Variants in TNS3 observed in about 807,000 individuals in gnomAD.
TNS3 encodes tensin-3.
In TNS3, 45 loss-of-function variants were observed where a neutral mutation model predicts 140.9. The observed-to-expected ratio is 0.32, with a 90% CI of 0.25 to 0.41. TNS3 has a LOEUF of 0.41. Ranked by LOEUF, TNS3 falls within the 10% of genes least tolerant of loss-of-function variation. The pLI is 1.00. For missense variants in TNS3, 1,716 were observed against 1,906.7 expected (o/e 0.90, Z 1.86); for synonymous variants, 815 against 788.4 (o/e 1.03, Z -0.56).
intron 20 of TNS3, among the ~76,000 whole-genome samples, chr7:47,308,646 G>A (rs976741693): frequency 3.3e-5 from 5 of 152,234 alleles, no homozygotes; most frequent in Middle Eastern, 6.8e-3. Flanking sequence ...TTTGGGTCTT[G>A]CTCTTCACAT....
intron 5 of TNS3, among the ~76,000 whole-genome samples, chr7:47,441,101 T>A (rs1489811052): frequency 3.9e-5 from 6 of 152,180 alleles, no homozygotes; most frequent in Non-Finnish European, 8.8e-5. Context: ...TTGATTAAAA[T>A]GTCTACAATG....
intron 3 of TNS3, among the ~76,000 whole-genome samples, chr7:47,501,501 C>CGGA (rs1798225663): frequency 6.6e-6 from 1 of 152,114 alleles, no homozygotes; most frequent in Admixed American, 6.5e-5. Context: ...CTGAGCAGAG[C>CGGA]GGAGCTGGCT....
chr7:47,383,313 G>A (rs775838306), intron 16 of TNS3, among the ~76,000 whole-genome samples: 4 of 152,168 alleles, frequency 2.6e-5, no homozygotes, highest in African/African-American at 7.2e-5. Flanking sequence ...CTCATTGCAC[G>A]ACTCCAGTGA....
intron 17 of TNS3, among the ~76,000 whole-genome samples, chr7:47,366,700 T>A (rs1446113982): frequency 7.0e-5 from 7 of 100,694 alleles, no homozygotes; most frequent in Non-Finnish European, 2.6e-5. Context: ...CTCAGGGCAC[T>A]GACTTTTGCT....
intron 1 of TNS3, among the ~76,000 whole-genome samples, chr7:47,572,858 CAA>C (rs1288520753): frequency 1.2e-4 from 15 of 122,482 alleles, no homozygotes; most frequent in Admixed American, 4.2e-4. Context: ...GACTCCGTCT[CAA>C]AAAAAAAAAA....
chr7:47,383,026 G>T (rs915594916), intron 16 of TNS3, among the ~76,000 whole-genome samples: 3 of 152,184 alleles, frequency 2.0e-5, no homozygotes, highest in African/African-American at 7.2e-5. Context: ...AAACCAATTA[G>T]AAGGATGAGA....
intron 1 of TNS3, among the ~76,000 whole-genome samples, chr7:47,565,582 G>A (rs957475183): frequency 6.6e-6 from 1 of 151,964 alleles, no homozygotes; most frequent in African/African-American, 2.4e-5. Context: ...GGCCAGGCTT[G>A]TCTCGAACTC....
intron 16 of TNS3, among the ~76,000 whole-genome samples, chr7:47,389,083 A>AGAAGAAGAAGAG (rs1792312613): frequency 1.4e-5 from 1 of 71,588 alleles, no homozygotes; most frequent in African/African-American, 7.7e-5. Flanking sequence ...AAGAAGAAGA[A>AGAAGAAGAAGAG]GAGGAAGAGG....
rs867024177 is a variant in TNS3, at chr7:47,389,071, A to G, written c.1024+7729T>C. On this transcript the variant is annotated intron_variant, in intron 16 of 30. Coordinates refer to ENST00000311160, the MANE Select transcript of TNS3 (RefSeq NM_022748.12). ...AAGAAGAAGAAGAAGAAGAAGAAGAAGAAGAAGAAGAAGAGGAAGAGGAAG... is the reference window on the plus strand; with the variant it reads ...AAGAAGAAGAAGAAGAAGAAGAAGAGGAAGAAGAAGAAGAGGAAGAGGAAG... 3.0e-3 allele frequency among the ~76,000 whole-genome samples: 151 copies of G among 50,052 alleles called. 30 individuals carry two copies. Among genetic ancestry groups the G allele is most frequent in the African/African-American group, 0.011 (124 of 11,542 alleles). 32.8% of individuals were successfully genotyped at this position (50,052 alleles called of 152,430 possible). A position where few individuals can be genotyped will look rare whatever the true frequency, so the allele number is the denominator to read the frequency against.
chr7:47,541,224 A>G (rs1399793739), intron 1 of TNS3, among the ~76,000 whole-genome samples: 8 of 152,294 alleles, frequency 5.3e-5, no homozygotes, highest in Middle Eastern at 3.4e-3. Context: ...CTAGTCTAGA[A>G]TGGGGGACAT....
chr7:47,462,200 A>G (rs1026102905), intron 4 of TNS3, among the ~76,000 whole-genome samples: 2 of 152,240 alleles, frequency 1.3e-5, no homozygotes, highest in Non-Finnish European at 2.9e-5. Context: ...AGCCAAATGC[A>G]TAGTAAGTGA....
At chr7:47,474,530 ACACAACACACTTCAG>A (rs1797096481) in intron 4 of TNS3, among the ~76,000 whole-genome samples, 2 of 149,668 alleles carry the variant, frequency 1.3e-5, no homozygotes, top group South Asian at 2.1e-4. Context: ...GCATGTACAC[ACACAACACACTTCAG>A]CACAACACAC....
chr7:47,517,183 A>T (rs1055545097), intron 2 of TNS3, among the ~76,000 whole-genome samples: 1 of 152,152 alleles, frequency 6.6e-6, no homozygotes. Context: ...GTCCTACTGG[A>T]GGCTGGCCAA....
chr7:47,527,617 C>T (rs1032438901), intron 2 of TNS3, among the ~76,000 whole-genome samples: 4 of 152,084 alleles, frequency 2.6e-5, no homozygotes, highest in Non-Finnish European at 4.4e-5. Flanking sequence ...AGTGCAGTGC[C>T]GTTTGCAAGT....
intron 4 of TNS3, among the ~76,000 whole-genome samples, chr7:47,474,117 A>AACACACACACACACACACACAC (rs35049083): frequency 5.9e-4 from 86 of 145,420 alleles, no homozygotes; most frequent in African/African-American, 1.3e-3. Context: ...AGCAAGTCTC[A>AACACACACACACACACACACAC]ACACACACAC....
intron 2 of TNS3, among the ~76,000 whole-genome samples, chr7:47,512,672 A>G (rs1798652088): frequency 6.6e-6 from 1 of 152,148 alleles, no homozygotes; most frequent in African/African-American, 2.4e-5. Flanking sequence ...AGACCTCACA[A>G]CTCAGACAGA....
intron 4 of TNS3, among the ~76,000 whole-genome samples, chr7:47,474,567 CACACACCTCACAACACACACAAG>C (rs1797098378): frequency 6.7e-6 from 1 of 150,132 alleles, no homozygotes; most frequent in African/African-American, 2.5e-5. Context: ...CAGCACAACA[CACACACCTCACAACACACACAAG>C]ACACACCTCA....
At chr7:47,497,662 A>AACACACAC (rs6150097) in intron 3 of TNS3, among the ~76,000 whole-genome samples, 10,083 of 91,116 alleles carry the variant, frequency 0.11, 440 homozygotes, top group South Asian at 0.19. Context: ...TCACGTATGG[A>AACACACAC]ACACACACAC....
chr7:47,549,521 A>G (rs1800006670), intron 1 of TNS3, among the ~76,000 whole-genome samples: 1 of 151,966 alleles, frequency 6.6e-6, no homozygotes, highest in Non-Finnish European at 1.5e-5. Flanking sequence ...TCATGAGCCC[A>G]CAGACCAATG....
Sources: allele counts gnomAD v4.1 joint callset (sites outside exome capture counted in the v4.1 genomes callset), GRCh38; gene constraint gnomAD v4.1.1; transcripts MANE v1.5; gene names NCBI Gene and HGNC (gene_info 2026-07-23, HGNC 2026-07-21).